The following HPGDS variants were observed in gnomAD, a reference collection of about 807,000 sequenced individuals.
The protein encoded by HPGDS is GST class-sigma.
In HPGDS, 26 loss-of-function variants were observed where a neutral mutation model predicts 23.1. The ratio of observed to expected loss-of-function variants is 1.13; its 90% CI spans 0.83 to 1.56. The LOEUF (loss-of-function observed/expected upper bound fraction) is 1.56, where lower values mean the gene tolerates loss of function less well. HPGDS is among the 40% of genes most tolerant of loss of function. The pLI is 0.00. For synonymous variants in HPGDS, 95 were observed against 77.9 expected (o/e 1.22, Z -1.16); for missense variants, 268 against 236.4 (o/e 1.13, Z -0.88).
At chr4:94,314,941 G>A (rs1400481540) in intron 3 of HPGDS, among the ~76,000 whole-genome samples, 1 of 152,220 alleles carries the variant, frequency 6.6e-6, no homozygotes, top group African/African-American at 2.4e-5. Context: ...TCTTAGCCAG[G>A]CACGGGATAT....
intron 2 of HPGDS, among the ~76,000 whole-genome samples, chr4:94,326,335 C>G (rs1212071800): frequency 6.6e-6 from 1 of 152,018 alleles, no homozygotes; most frequent in African/African-American, 2.4e-5. Context: ...TCCCAAAATC[C>G]CCAAATTCAA....
At chr4:94,311,104 T>C (rs574295607) in intron 3 of HPGDS, among the ~76,000 whole-genome samples, 7 of 152,354 alleles carry the variant, frequency 4.6e-5, no homozygotes, top group Non-Finnish European at 1.0e-4. Flanking sequence ...TGACTTCCCC[T>C]TTTCCTAATT....
chr4:94,331,819 G>A (rs1756741202), intron 2 of HPGDS, among the ~76,000 whole-genome samples: 1 of 152,214 alleles, frequency 6.6e-6, no homozygotes, highest in South Asian at 2.1e-4. Flanking sequence ...GGGATATGGT[G>A]GTCACAGTGC....
intron 2 of HPGDS, among the ~76,000 whole-genome samples, chr4:94,329,555 A>G (rs1756699977): frequency 6.6e-6 from 1 of 152,212 alleles, no homozygotes; most frequent in African/African-American, 2.4e-5. Context: ...AATAGAAGAA[A>G]AATTTGACTT....
At chr4:94,327,281 G>A (rs909376534) in intron 2 of HPGDS, among the ~76,000 whole-genome samples, 3 of 152,126 alleles carry the variant, frequency 2.0e-5, no homozygotes, top group Non-Finnish European at 4.4e-5. Context: ...GGTGGAGTAG[G>A]TTGATCCTCA....
Position 94,312,531 on chromosome 4 carries a change from C to T in HPGDS, c.227-3788G>A, listed in dbSNP as rs560403034. 5.9e-5 allele frequency among the ~76,000 whole-genome samples: 9 copies of T among 152,202 alleles called. No homozygotes were observed. In the East Asian group the frequency reaches 1.4e-3, roughly 23 times the overall value. On this transcript the variant is annotated intron_variant, in intron 3 of 5. Transcript: ENST00000295256. ...GTTTGTTGTGATTTCTGTTCTTTTA[C>T]ATTTGCTGAGGAGTGCTTTACTTCC...
At chr4:94,340,301 CTTTCTTTCTCTTTTTTTTTTTTTTTT>C (rs1721118938) in intron 1 of HPGDS, among the ~76,000 whole-genome samples, 3 of 32,172 alleles carry the variant, frequency 9.3e-5, no homozygotes, top group Non-Finnish European at 1.2e-4. Flanking sequence ...TTCTTTCTTT[CTTTCTTTCTCTTTTTTTTTTTTTTTT>C]TTTTTTTTTT....
At chr4:94,334,463 T>C (rs752590483) in intron 2 of HPGDS, 34 bp downstream of exon 2, 1 of 1,537,514 alleles carries the variant, frequency 6.5e-7, no homozygotes, top group African/African-American at 1.4e-5. Context: ...TCTGAAAGCA[T>C]ATTTTTCCTA....
intron 5 of HPGDS, 67 bp from the exon 6 acceptor site, chr4:94,299,711 T>G (rs1755997810): frequency 7.2e-7 from 1 of 1,379,350 alleles, no homozygotes; most frequent in African/African-American, 1.4e-5. Flanking sequence ...ATTCCAAAAT[T>G]GAAATTAGTT....
Position 94,312,964 on chromosome 4 carries a change from CT to C in HPGDS, c.227-4222del, listed in dbSNP as rs1039343640. 5.9e-5 allele frequency among the ~76,000 whole-genome samples: 9 copies of C among 151,342 alleles called. 1 individual carries two copies. The highest frequency in any genetic ancestry group is 1.0e-4 in the Non-Finnish European group (7 of 67,724). On this transcript the variant is annotated intron_variant, in intron 3 of 5. Transcript: ENST00000295256. Reference sequence around the variant, plus strand: ...TCAGAGACTAGGATTGCAACCCCTGCTTTTTTTTTGTTTTCCATTTGCTTGG... The same window carrying C: ...TCAGAGACTAGGATTGCAACCCCTGCTTTTTTTTGTTTTCCATTTGCTTGG...
Position 94,326,571 on chromosome 4 carries a change from A to G in HPGDS, c.133+7926T>C, listed in dbSNP as rs561945473. Among the ~76,000 whole-genome samples, 7 of 152,162 alleles carry G rather than the reference A, an allele frequency of 4.6e-5. No individual in the cohort carries two copies. The South Asian group carries it at 1.5e-3, about 32-fold the overall frequency. On this transcript the variant is annotated intron_variant, in intron 2 of 5. Transcript: ENST00000295256. The stretch of plus-strand genomic sequence containing the variant: ...GAATTGTTTGGATTTTTTTTATAAT[A>G]TCTATCTGTTATATTGAATTTCTCA...
chr4:94,301,118 G>A (rs962429875), intron 5 of HPGDS, among the ~76,000 whole-genome samples: 1 of 152,204 alleles, frequency 6.6e-6, no homozygotes, highest in Non-Finnish European at 1.5e-5. Context: ...GAGGTTGAAA[G>A]TTGAGAATAA....
chr4:94,340,650 CT>C (rs35678433), intron 1 of HPGDS, among the ~76,000 whole-genome samples: 257 of 22,462 alleles, frequency 0.011, 3 homozygotes, highest in African/African-American at 0.075. Flanking sequence ...GCCCCCCTCC[CT>C]TTTTTTTTTT....
chr4:94,317,661 G>A (rs1287722259), intron 3 of HPGDS, among the ~76,000 whole-genome samples: 1 of 152,166 alleles, frequency 6.6e-6, no homozygotes, highest in East Asian at 1.9e-4. Flanking sequence ...GGCAGGAAAA[G>A]CAGGAGGCGA....
At chr4:94,308,038 T>G (rs927234351) in intron 4 of HPGDS, among the ~76,000 whole-genome samples, 1 of 152,138 alleles carries the variant, frequency 6.6e-6, no homozygotes, top group African/African-American at 2.4e-5. Context: ...CCAGACTTTT[T>G]CAGATTTTGG....
chr4:94,341,914 A>G (rs1721181885), intron 1 of HPGDS, among the ~76,000 whole-genome samples: 1 of 152,238 alleles, frequency 6.6e-6, no homozygotes, highest in Non-Finnish European at 1.5e-5. Context: ...ATATACTGAC[A>G]TTAAAACAGC....
At chr4:94,340,813 C>T (rs1352273852) in intron 1 of HPGDS, among the ~76,000 whole-genome samples, 1 of 148,698 alleles carries the variant, frequency 6.7e-6, no homozygotes, top group Non-Finnish European at 1.5e-5. Context: ...CACCAACCAC[C>T]ACGCCCGGCA....
intron 1 of HPGDS, among the ~76,000 whole-genome samples, chr4:94,341,632 G>A (rs1021020836): frequency 6.6e-6 from 1 of 152,136 alleles, no homozygotes; most frequent in Non-Finnish European, 1.5e-5. Context: ...AAACATATTT[G>A]GGCATTCCAG....
chr4:94,319,474 C>A (rs888851690), intron 2 of HPGDS, among the ~76,000 whole-genome samples: 3 of 152,082 alleles, frequency 2.0e-5, no homozygotes, highest in Admixed American at 2.0e-4. Context: ...GATTCAGCCA[C>A]TTTGTATCTT....
Sources: gnomAD v4.1 joint callset for allele counts (sites outside exome capture counted in the v4.1 genomes callset) on GRCh38, gnomAD v4.1.1 for gene constraint, MANE v1.5 for transcripts, NCBI Gene and HGNC (gene_info 2026-07-23, HGNC 2026-07-21) for gene names.